Variants in STYK1 observed in about 807,000 individuals in gnomAD.
STYK1 encodes the protein STY kinase 1.
A neutral mutation model predicts 48.1 loss-of-function variants in STYK1; 46 were observed. That is an observed-to-expected ratio of 0.96 (90% CI 0.75 to 1.22). The LOEUF is 1.22. Among genes scored for constraint, STYK1 ranks in the 50% most tolerant of loss-of-function variants. The pLI, the probability that STYK1 is intolerant of heterozygous loss-of-function variation, is 0.00. For synonymous variants in STYK1, 188 were observed against 189.0 expected (o/e 0.99, Z 0.04); for missense variants, 527 against 521.1 (o/e 1.01, Z -0.11).
intron 1 of STYK1, among the ~76,000 whole-genome samples, chr12:10,651,766 C>T (rs1430175257): frequency 6.6e-6 from 1 of 152,204 alleles, no homozygotes; most frequent in Admixed American, 6.5e-5. Flanking sequence ...TTTCCTGACA[C>T]CTGACTTTAC....
rs2120842346 is a variant in STYK1, at chr12:10,672,882, GCTGTCA to G, written c.-195+1078_-195+1083del. Among the ~76,000 whole-genome samples, 1 of 152,332 alleles carries G rather than the reference GCTGTCA, an allele frequency of 6.6e-6. No individual in the cohort carries two copies. The highest frequency in any genetic ancestry group is 6.5e-5 in the Admixed American group (1 of 15,302). ...GAAAGACCTAGCTGCCCCCTAGCTA[GCTGTCA>G]GTGGAGATTCCGGTGCATTGAGGGG... On this transcript the variant is annotated intron_variant, in intron 1 of 10. Coordinates refer to ENST00000075503, the MANE Select transcript of STYK1 (RefSeq NM_018423.3). This position sits in a 1 kb window ranked among gnomAD's most constrained non-coding sequence, Gnocchi z 4.0.
intron 4 of STYK1, among the ~76,000 whole-genome samples, chr12:10,633,677 C>T (rs1947453498): frequency 6.6e-6 from 1 of 152,114 alleles, no homozygotes; most frequent in Admixed American, 6.5e-5. Context: ...GGACTTTACC[C>T]CCTTAGGTCT....
At chr12:10,656,702 C>G (rs1239957092) in intron 1 of STYK1, among the ~76,000 whole-genome samples, 2 of 152,174 alleles carry the variant, frequency 1.3e-5, no homozygotes, top group African/African-American at 4.8e-5. Flanking sequence ...TCTTGCCACT[C>G]TTGATACACA....
chr12:10,653,327 CA>C (rs1298509784), intron 1 of STYK1, among the ~76,000 whole-genome samples: 4 of 151,952 alleles, frequency 2.6e-5, no homozygotes, highest in Admixed American at 2.0e-4. Context: ...GCTGGGATTA[CA>C]GGCATGATCC....
At chr12:10,648,899 C>T (rs1947629739) in intron 1 of STYK1, among the ~76,000 whole-genome samples, 1 of 152,082 alleles carries the variant, frequency 6.6e-6, no homozygotes, top group South Asian at 2.1e-4. Context: ...TGTTTATTCC[C>T]TAAATAGTTT....
intron 5 of STYK1, 33 bp downstream of exon 5, chr12:10,631,012 G>A (rs751237150): frequency 1.2e-6 from 2 of 1,607,646 alleles, no homozygotes; most frequent in South Asian, 2.2e-5. Context: ...TTTACTGTTA[G>A]GGGAAGGGGG....
chr12:10,663,249 G>A (rs1947796250), intron 1 of STYK1, among the ~76,000 whole-genome samples: 1 of 152,116 alleles, frequency 6.6e-6, no homozygotes, highest in Non-Finnish European at 1.5e-5. Context: ...AAGTAGCTGG[G>A]ATTATAGACA....
intron 1 of STYK1, among the ~76,000 whole-genome samples, chr12:10,653,380 C>T (rs1452000442): frequency 6.6e-6 from 1 of 151,942 alleles, no homozygotes; most frequent in African/African-American, 2.4e-5. Context: ...TAGAGAGTTG[C>T]ATGTAAAGTA....
At chr12:10,644,824 AT>A (rs1947581806) in intron 1 of STYK1, among the ~76,000 whole-genome samples, 2 of 152,182 alleles carry the variant, frequency 1.3e-5, no homozygotes, top group South Asian at 4.1e-4. Flanking sequence ...AGAAAAAAGC[AT>A]TTGGTTGTAC....
chr12:10,622,541 C>G (rs1865924091), intron 9 of STYK1, 97 bp downstream of exon 9: 1 of 1,427,606 alleles, frequency 7.0e-7, no homozygotes. Context: ...CAGCACTGTA[C>G]TGAAACCCTT....
Position 10,622,696 on chromosome 12 carries a change from C to G in STYK1, c.927-18G>C. On this transcript the variant is annotated intron_variant, in intron 8 of 10. Coordinates refer to ENST00000075503, the MANE Select transcript of STYK1 (RefSeq NM_018423.3). ...AAGACCAGCTGTAAAAGAAACAAAG[C>G]CATCTATTTAATTTCTATTTCTGTT... 1 of 1,613,680 alleles carries G rather than the reference C, an allele frequency of 6.2e-7. No individual in the cohort carries two copies.
At chr12:10,633,912 C>G in intron 4 of STYK1, 78 bp downstream of exon 4, 1 of 1,534,428 alleles carries the variant, frequency 6.5e-7, no homozygotes, top group South Asian at 1.3e-5. Flanking sequence ...GACATGGGCT[C>G]ATTGAAACTT....
chr12:10,624,604 C>A (rs1441856970), intron 8 of STYK1, 47 bp downstream of exon 8: 1 of 1,568,656 alleles, frequency 6.4e-7, no homozygotes, highest in Admixed American at 1.7e-5. Context: ...AGGGACAACA[C>A]CCAAGTCATG....
At chr12:10,631,638 C>G (rs538739843) in intron 4 of STYK1, among the ~76,000 whole-genome samples, 1 of 152,246 alleles carries the variant, frequency 6.6e-6, no homozygotes, top group Admixed American at 6.5e-5. Context: ...AATAGGTATC[C>G]AAACCACAGA....
At chr12:10,648,512 T>G (rs7131829) in intron 1 of STYK1, among the ~76,000 whole-genome samples, 148,938 of 152,170 alleles carry the variant, frequency 0.98, 72,960 homozygotes, top group East Asian at 1. Context: ...TGGAAGCATG[T>G]TGAACTAAGA....
chr12:10,640,116 G>C (rs980372767), intron 1 of STYK1, among the ~76,000 whole-genome samples: 6 of 152,052 alleles, frequency 3.9e-5, no homozygotes, highest in African/African-American at 1.4e-4. Context: ...ATTTTCCTGG[G>C]TCTGATCCCC....
At chr12:10,642,240 T>C (rs953399113) in intron 1 of STYK1, among the ~76,000 whole-genome samples, 7 of 152,210 alleles carry the variant, frequency 4.6e-5, no homozygotes, top group Admixed American at 1.3e-4. Context: ...TATCTATTCC[T>C]ACACTTACCC....
chr12:10,666,845 A>T (rs1361345524), intron 1 of STYK1, among the ~76,000 whole-genome samples: 1 of 152,228 alleles, frequency 6.6e-6, no homozygotes, highest in East Asian at 1.9e-4. Context: ...TATAAGGCAG[A>T]GGAACTATAA....
chr12:10,620,554 C>T (rs1346564439), intron 10 of STYK1, among the ~76,000 whole-genome samples: 2 of 152,112 alleles, frequency 1.3e-5, no homozygotes, highest in Admixed American at 6.5e-5. Context: ...TCAACAAGTG[C>T]TCTTGTATAA....
Sources: gnomAD v4.1 joint callset for allele counts (sites outside exome capture counted in the v4.1 genomes callset) on GRCh38, gnomAD v4.1.1 for gene constraint, Gnocchi (gnomAD v3.1) non-coding constraint, MANE v1.5 for transcripts, NCBI Gene and HGNC (gene_info 2026-07-23, HGNC 2026-07-21) for gene names.